ARL2: variants seen among roughly 807,000 people sequenced by gnomAD.
ARL2 encodes ARF like GTPase 2, also known as ADP-ribosylation factor-like protein 2.
Under a neutral mutation model 22.0 loss-of-function variants are expected in ARL2, and 11 were observed. The observed-to-expected ratio is 0.50, with a 90% CI of 0.31 to 0.83. The LOEUF is 0.83. Among genes scored for constraint, ARL2 ranks in the 40% least tolerant of loss-of-function variants. The pLI, the probability that ARL2 is intolerant of heterozygous loss-of-function variation, is 0.04. For missense variants in ARL2, 216 were observed against 243.2 expected, an observed-to-expected ratio of 0.89 and a Z score of 0.74; for synonymous variants, 111 against 100.8, an observed-to-expected ratio of 1.10 and a Z score of -0.61.
Position 65,022,126 on chromosome 11 carries a change from A to G in ARL2, c.*271A>G. 2 of 492,638 alleles carry G rather than the reference A, an allele frequency of 4.1e-6. No individual in the cohort carries two copies. Among genetic ancestry groups the G allele is most frequent in the South Asian group, 5.1e-5 (2 of 38,844 alleles). The allele number at this position is 492,638 out of a possible 1,614,324, so 30.5% of individuals were successfully genotyped here. A position where few individuals can be genotyped will look rare whatever the true frequency, so the allele number is the denominator to read the frequency against. On this transcript the variant is annotated 3_prime_UTR_variant, in exon 5 of 5. Coordinates refer to ENST00000246747, the MANE Select transcript of ARL2 (RefSeq NM_001667.4). ...GCGGGGAGGAGCTGCTACTGCTGCT[A>G]CCGAGGCTGTGGGCCTCATCCTTCA...
At chr11:65,020,612 T>C in intron 4 of ARL2, 113 bp downstream of exon 4, 1 of 1,102,204 alleles carries the variant, frequency 9.1e-7, no homozygotes, top group Non-Finnish European at 1.3e-6. Context: ...CTCACGCCTG[T>C]AATACCAGCA....
Position 65,014,176 on chromosome 11 carries a change from G to C in ARL2, c.-32G>C, listed in dbSNP as rs779917314. ...GGGAGCGGGGTCCCGGGACTGGGAA[G>C]AAACGGCGGCCGGGAGGGGGCTCCG... On this transcript the variant is annotated 5_prime_UTR_variant, in exon 1 of 5. Transcript: ENST00000246747. 9.8e-6 allele frequency: 15 copies of C among 1,536,660 alleles called. No homozygotes were observed. The Middle Eastern group carries it at 8.5e-4, about 87-fold the overall frequency.
intron 4 of ARL2, among the ~76,000 whole-genome samples, chr11:65,020,970 C>A (rs1373786965): frequency 6.6e-6 from 1 of 152,126 alleles, no homozygotes. Flanking sequence ...ACTGGGGATC[C>A]AGTGATTAAT....
intron 1 of ARL2, among the ~76,000 whole-genome samples, chr11:65,015,397 G>A (rs1253395609): frequency 2.6e-5 from 4 of 152,356 alleles, no homozygotes; most frequent in African/African-American, 9.6e-5. Context: ...GATTATGGGC[G>A]TGAGCCACTG....
intron 1 of ARL2, 70 bp downstream of exon 1, chr11:65,014,342 T>C (rs1026190112): frequency 7.3e-7 from 1 of 1,361,216 alleles, no homozygotes; most frequent in South Asian, 1.4e-5. Context: ...GGGCGCCCCC[T>C]GTCGGGAGCG....
intron 3 of ARL2, among the ~76,000 whole-genome samples, chr11:65,019,777 A>AT (rs1368112740): frequency 1.3e-5 from 2 of 152,164 alleles, no homozygotes; most frequent in Non-Finnish European, 2.9e-5. Context: ...TTAGTTGAAA[A>AT]TGAGGACACT....
Position 65,018,436 on chromosome 11 carries a change from A to G in ARL2, c.138A>G (p.Pro46=). 1 of 1,609,516 alleles carries G rather than the reference A, an allele frequency of 6.2e-7. No individual in the cohort carries two copies. The highest frequency in any genetic ancestry group is 8.5e-7 in the Non-Finnish European group (1 of 1,178,240). Residue 46 remains proline (P), a synonymous_variant, in exon 2 of 5, where the codon CCA becomes CCG. Coordinates refer to ENST00000246747, the MANE Select transcript of ARL2 (RefSeq NM_001667.4). This position sits in a 1 kb window ranked among gnomAD's most constrained non-coding sequence, Gnocchi z 4.2. ...GGGAGGACATCGACACCATCTCCCCAACGCTGGGCTTCAACATCAAGACCC... is the reference window on the plus strand; with the variant it reads ...GGGAGGACATCGACACCATCTCCCCGACGCTGGGCTTCAACATCAAGACCC... ...FNGEDIDTIS[P]TLGFNIKTLE...
intron 4 of ARL2, 109 bp downstream of exon 4, chr11:65,020,608 C>A: frequency 8.8e-7 from 1 of 1,134,170 alleles, no homozygotes; most frequent in Non-Finnish European, 1.2e-6. Context: ...GTGGCTCACG[C>A]CTGTAATACC....
In ARL2 at chr11:65,018,636, T is replaced by C; in HGVS notation, c.242T>C (p.Phe81Ser). ...CTGCGGTCCTACTGGCGGAACTACT[T>C]TGAGAGCACCGATGGCCTCATCTGG... Reference protein sequence around the residue: ...KSLRSYWRNYFESTDGLIWVV... With the variant: ...KSLRSYWRNYSESTDGLIWVV... The change falls in exon 3 of 5, where the codon TTT becomes TCT. Residue 81 changes from phenylalanine to serine, a missense_variant. Physicochemically the swap from Phe to Ser is radical, Grantham distance 155. Transcript: ENST00000246747. This position sits in a 1 kb window ranked among gnomAD's most constrained non-coding sequence, Gnocchi z 4.2. The C allele has an allele frequency of 6.2e-7, 1 of 1,614,056 alleles. No homozygotes were observed. The highest frequency in any genetic ancestry group is 8.5e-7 in the Non-Finnish European group (1 of 1,179,984).
chr11:65,016,505 A>T (rs1278790515), intron 1 of ARL2, among the ~76,000 whole-genome samples: 1 of 152,024 alleles, frequency 6.6e-6, no homozygotes, highest in Non-Finnish European at 1.5e-5. Context: ...CGCAGGCGAG[A>T]TAGGATGGTG....
At chr11:65,021,690 G>A in intron 4 of ARL2, 31 bp from the exon 5 acceptor site, 2 of 1,576,156 alleles carry the variant, frequency 1.3e-6, no homozygotes, top group Non-Finnish European at 1.7e-6. Flanking sequence ...GCAGTCACTG[G>A]CCACCACCAT....
rs140491967 is a variant in ARL2 at position 65,019,080 on chromosome 11, G to T, written c.339+347G>T. 16 of 610,094 alleles carry T rather than the reference G, an allele frequency of 2.6e-5. No homozygotes were observed. The East Asian group carries it at 7.9e-4, about 30-fold the overall frequency. The allele number at this position is 610,094 out of a possible 1,614,324, so 37.8% of individuals were successfully genotyped here. On this transcript the variant is annotated intron_variant, in intron 3 of 4. Coordinates refer to ENST00000246747, the MANE Select transcript of ARL2 (RefSeq NM_001667.4). ...TGGCTCAAGAGTCTGACTCTTTGCT[G>T]TGTGACCTCAGCTGGGGGTGGTGGC...
chr11:65,015,972 G>A (rs1437618500), intron 1 of ARL2, among the ~76,000 whole-genome samples: 3 of 152,048 alleles, frequency 2.0e-5, no homozygotes, highest in African/African-American at 7.2e-5. Context: ...TTGAAAGGCC[G>A]GGGCGGATGG....
In ARL2 at chr11:65,014,287, G is replaced by T; in HGVS notation, c.65+15G>T. 1 of 1,538,680 alleles carries T rather than the reference G, an allele frequency of 6.5e-7. No individual in the cohort carries two copies. The highest frequency in any genetic ancestry group is 2.7e-5 in the East Asian group (1 of 36,428). On this transcript the variant is annotated intron_variant, in intron 1 of 4. Coordinates refer to ENST00000246747, the MANE Select transcript of ARL2 (RefSeq NM_001667.4). Reference sequence around the variant, plus strand: ...CTGCTCATGCTGTATCCTACCGGACGCCGGAACCGCGAGGGTGGCGGGGTC... The same window carrying T: ...CTGCTCATGCTGTATCCTACCGGACTCCGGAACCGCGAGGGTGGCGGGGTC...
intron 3 of ARL2, chr11:65,019,537 G>T (rs1479254712): frequency 6.6e-6 from 1 of 151,714 alleles, no homozygotes; most frequent in Admixed American, 6.6e-5. Context: ...GTGAGACTCC[G>T]TCTCAAAAAA....
chr11:65,019,191 C>G, intron 3 of ARL2: 1 of 300,948 alleles, frequency 3.3e-6, no homozygotes, highest in Non-Finnish European at 6.5e-6. Flanking sequence ...GAGCTGTGAT[C>G]GTGCCACTGC....
Position 65,016,205 on chromosome 11 carries a change from T to TAAA in ARL2, c.65+1945_65+1947dup, listed in dbSNP as rs55936282. Among the ~76,000 whole-genome samples the TAAA allele has an allele frequency of 7.2e-5, 9 of 124,904 alleles. 1 individual carries two copies. Among genetic ancestry groups the TAAA allele is most frequent in the African/African-American group, 2.5e-4 (8 of 31,922 alleles). 81.9% of individuals were successfully genotyped at this position (124,904 alleles called of 152,430 possible). On this transcript the variant is annotated intron_variant, in intron 1 of 4. Transcript: ENST00000246747. ...CTGGGTGACAAGAGCGAAACTCTGT[T>TAAA]AAAAAAAAAAAAAATGACAATTGAG...
chr11:65,021,496 T>G, intron 4 of ARL2: 1 of 473,540 alleles, frequency 2.1e-6, no homozygotes, highest in Admixed American at 3.4e-5. Context: ...CATGCTGCAT[T>G]TACATCACTA....
intron 1 of ARL2, among the ~76,000 whole-genome samples, chr11:65,015,540 T>A (rs1459126884): frequency 6.6e-6 from 1 of 152,166 alleles, no homozygotes; most frequent in Admixed American, 6.5e-5. Context: ...AAATCTTACC[T>A]TCATGGAAAT....
Sources: allele counts gnomAD v4.1 joint callset (sites outside exome capture counted in the v4.1 genomes callset), GRCh38; gene constraint gnomAD v4.1.1; non-coding constraint Gnocchi (gnomAD v3.1); transcripts MANE v1.5; gene names NCBI Gene and HGNC (gene_info 2026-07-23, HGNC 2026-07-21).